The following NEDD4L variants were observed in gnomAD, a reference collection of about 807,000 sequenced individuals.
NEDD4L encodes the protein E3 ubiquitin-protein ligase NEDD4-like.
NEDD4L carries 54 observed loss-of-function variants against 148.9 expected under a neutral mutation model. That is an observed-to-expected ratio of 0.36 (90% CI 0.29 to 0.45). NEDD4L has a LOEUF of 0.45. Among genes scored for constraint, NEDD4L ranks in the 20% least tolerant of loss-of-function variants. The pLI, the probability that NEDD4L is intolerant of heterozygous loss-of-function variation, is 1.00. For missense variants in NEDD4L, 856 were observed against 1,233.8 expected (o/e 0.69, Z 4.59); for synonymous variants, 433 against 440.7 (o/e 0.98, Z 0.22).
intron 27 of NEDD4L, chr18:58,388,745 C>T: frequency 4.2e-6 from 1 of 237,284 alleles, no homozygotes; most frequent in East Asian, 1.0e-4. Flanking sequence ...GAGAAGCAGC[C>T]AGGGTAATGC....
intron 2 of NEDD4L, among the ~76,000 whole-genome samples, chr18:58,225,136 A>T (rs573368916): frequency 6.6e-6 from 1 of 152,100 alleles, no homozygotes; most frequent in African/African-American, 2.4e-5. Context: ...AGAAAGGGGT[A>T]TTGGGGGGGA....
chr18:58,244,683 GTTTTTGTCT>G (rs1211548799), intron 2 of NEDD4L, among the ~76,000 whole-genome samples: 2 of 151,988 alleles, frequency 1.3e-5, no homozygotes, highest in African/African-American at 4.8e-5. Flanking sequence ...TTATGTTTTT[GTTTTTGTCT>G]TTTTTTTGGG....
At chr18:58,148,047 C>T (rs374442882) in intron 1 of NEDD4L, among the ~76,000 whole-genome samples, 13 of 152,180 alleles carry the variant, frequency 8.5e-5, no homozygotes, top group Admixed American at 2.0e-4. Context: ...TCTCTCCCCC[C>T]CTTTTTTTTT....
chr18:58,147,680 G>A (rs2034241842), intron 1 of NEDD4L, among the ~76,000 whole-genome samples: 1 of 152,116 alleles, frequency 6.6e-6, no homozygotes, highest in Admixed American at 6.5e-5. Context: ...GTTTGCATAT[G>A]GTGAGGAGGG....
intron 1 of NEDD4L, among the ~76,000 whole-genome samples, chr18:58,152,799 G>T (rs960053407): frequency 6.6e-6 from 1 of 152,146 alleles, no homozygotes; most frequent in African/African-American, 2.4e-5. Flanking sequence ...CAAAAAATTG[G>T]TACTCTGGGA....
chr18:58,281,096 G>C (rs1011346680), intron 5 of NEDD4L, among the ~76,000 whole-genome samples: 1 of 152,080 alleles, frequency 6.6e-6, no homozygotes, highest in African/African-American at 2.4e-5. Flanking sequence ...TCCCGCCTCA[G>C]CCTCCTGAGT....
chr18:58,237,601 T>G (rs1462595669), intron 2 of NEDD4L, among the ~76,000 whole-genome samples: 1 of 152,198 alleles, frequency 6.6e-6, no homozygotes, highest in Admixed American at 6.5e-5. Flanking sequence ...GGAACAAAAT[T>G]TTTTAACAAA....
chr18:58,067,260 A>G (rs913145205), intron 1 of NEDD4L, among the ~76,000 whole-genome samples: 4 of 152,332 alleles, frequency 2.6e-5, no homozygotes, highest in African/African-American at 4.8e-5. Context: ...TAAAAGTCCA[A>G]ATTCAAATAC....
rs578132189 is a variant in NEDD4L at position 58,266,180 on chromosome 18, T to C, written c.297+14126T>C. ...CCATTTGAAAAAATTATAATGTTGA[T>C]CGGATCTGCAACCTAAACCAAGTGC... is the stretch of plus-strand genomic sequence containing the variant. On this transcript the variant is annotated intron_variant, in intron 5 of 30. Coordinates refer to ENST00000400345, the MANE Select transcript of NEDD4L (RefSeq NM_001144967.3). Among the ~76,000 whole-genome samples the C allele has an allele frequency of 5.3e-5, 8 of 152,138 alleles. 1 individual carries two copies. The highest frequency in any genetic ancestry group is 1.9e-4 in the African/African-American group (8 of 41,512).
At chr18:58,095,204 T>G (rs1003048621) in intron 1 of NEDD4L, among the ~76,000 whole-genome samples, 1 of 152,246 alleles carries the variant, frequency 6.6e-6, no homozygotes, top group Non-Finnish European at 1.5e-5. Context: ...CTGCCTGGGC[T>G]GCTTAGTATT....
intron 8 of NEDD4L, among the ~76,000 whole-genome samples, chr18:58,323,832 C>A (rs1175667967): frequency 6.6e-6 from 1 of 152,088 alleles, no homozygotes. Flanking sequence ...TTTTTTCCTT[C>A]CTGACAGAGC....
At chr18:58,298,763 A>G (rs944719612) in intron 5 of NEDD4L, among the ~76,000 whole-genome samples, 1 of 152,228 alleles carries the variant, frequency 6.6e-6, no homozygotes, top group Non-Finnish European at 1.5e-5. Flanking sequence ...CACCTTGGAT[A>G]TAGAACAGTC....
chr18:58,304,182 T>A lies in NEDD4L; in HGVS notation c.298-11800T>A, dbSNP rs146925205. 1.2e-4 allele frequency among the ~76,000 whole-genome samples: 19 copies of A among 152,126 alleles called. 1 individual carries two copies. In the East Asian group the frequency reaches 1.9e-3, roughly 15 times the overall value. On this transcript the variant is annotated intron_variant, in intron 5 of 30. Transcript: ENST00000400345. ...GCCCTCACGGAAAGAATTATCTAGCTCCAAATGTTAATGATGCTGACTTTG... is the reference window on the plus strand; with the variant it reads ...GCCCTCACGGAAAGAATTATCTAGCACCAAATGTTAATGATGCTGACTTTG...
intron 1 of NEDD4L, among the ~76,000 whole-genome samples, chr18:58,127,899 C>T (rs2145911495): frequency 6.6e-6 from 1 of 150,746 alleles, no homozygotes; most frequent in Admixed American, 6.6e-5. Context: ...TTTTTTGAGA[C>T]AGAGTCCTGC....
intron 2 of NEDD4L, among the ~76,000 whole-genome samples, chr18:58,174,755 T>G (rs2037927301): frequency 6.6e-6 from 1 of 152,156 alleles, no homozygotes; most frequent in Non-Finnish European, 1.5e-5. Flanking sequence ...GTGGGGGCAG[T>G]CTCATCCCTC....
chr18:58,370,252 C>T (rs1601792485), intron 22 of NEDD4L, 145 bp from the exon 23 acceptor site: 7 of 632,666 alleles, frequency 1.1e-5, no homozygotes, highest in Non-Finnish European at 1.4e-5. Flanking sequence ...CTCGCCTCCT[C>T]GCTTGTGCAA....
intron 2 of NEDD4L, among the ~76,000 whole-genome samples, chr18:58,180,398 A>T (rs531131904): frequency 6.6e-6 from 1 of 152,244 alleles, no homozygotes; most frequent in African/African-American, 2.4e-5. Flanking sequence ...ATTCTCCCTG[A>T]TAGGCCTTCA....
At chr18:58,369,289 C>G (rs373355465) in intron 22 of NEDD4L, among the ~76,000 whole-genome samples, 1 of 152,296 alleles carries the variant, frequency 6.6e-6, no homozygotes, top group East Asian at 1.9e-4. Flanking sequence ...TGGGCGGAAG[C>G]AGGAACCACT....
chr18:58,085,033 A>T (rs1411374979), intron 1 of NEDD4L, among the ~76,000 whole-genome samples: 2 of 152,092 alleles, frequency 1.3e-5, no homozygotes, highest in African/African-American at 2.4e-5. Context: ...CTAGTGTCTC[A>T]TTGCGTGTCC....
Sources: gnomAD v4.1 joint callset for allele counts (sites outside exome capture counted in the v4.1 genomes callset) on GRCh38, gnomAD v4.1.1 for gene constraint, MANE v1.5 for transcripts, NCBI Gene and HGNC (gene_info 2026-07-23, HGNC 2026-07-21) for gene names.